The following PPP1R21 variants were observed in gnomAD, a reference collection of about 807,000 sequenced individuals.
The protein encoded by PPP1R21 is protein phosphatase 1 regulatory subunit 21, also known as KLRAQ motif containing 1.
A neutral mutation model predicts 112.8 loss-of-function variants in PPP1R21; 85 were observed. The ratio of observed to expected loss-of-function variants is 0.75; its 90% CI spans 0.63 to 0.90. The LOEUF (loss-of-function observed/expected upper bound fraction) is 0.90. PPP1R21 is among the 40% of genes least tolerant of loss of function. PPP1R21 has a pLI of 0.00. For missense variants in PPP1R21, 1,199 were observed against 901.5 expected, an observed-to-expected ratio of 1.33 and a Z score of -4.23; for synonymous variants, 381 against 322.3, an observed-to-expected ratio of 1.18 and a Z score of -1.95.
chr2:48,502,793 G>T (rs1670183566), intron 17 of PPP1R21, among the ~76,000 whole-genome samples: 1 of 143,750 alleles, frequency 7.0e-6, no homozygotes, highest in Non-Finnish European at 1.5e-5. Flanking sequence ...CCATTCTCCT[G>T]CCTCAGGCTT....
chr2:48,460,083 T>C lies in PPP1R21; in HGVS notation c.541-12T>C, dbSNP rs1421271588. 1 of 1,614,104 alleles carries C rather than the reference T, an allele frequency of 6.2e-7. No individual in the cohort carries two copies. Among genetic ancestry groups the C allele is most frequent in the Non-Finnish European group, 8.5e-7 (1 of 1,179,978 alleles). ...CTGAGCCATCTGTGTTTCTTTTTCT[T>C]CTGAAATTCAGGTGAAATCTCAGAC... On this transcript the variant is annotated splice_polypyrimidine_tract_variant and intron_variant, in intron 5 of 21. Coordinates refer to ENST00000294952, the MANE Select transcript of PPP1R21 (RefSeq NM_001135629.3).
At chr2:48,507,450 C>A in intron 19 of PPP1R21, 65 bp downstream of exon 19, 1 of 1,560,142 alleles carries the variant, frequency 6.4e-7, no homozygotes, top group Non-Finnish European at 8.6e-7. Context: ...AGGACACTGT[C>A]CTGTTTTCAT....
At chr2:48,495,180 T>C (rs1407377840) in intron 15 of PPP1R21, among the ~76,000 whole-genome samples, 1 of 152,222 alleles carries the variant, frequency 6.6e-6, no homozygotes, top group Non-Finnish European at 1.5e-5. Flanking sequence ...CCATTTATAA[T>C]TGCTTTAAGT....
chr2:48,491,715 A>G (rs943412711), intron 15 of PPP1R21, among the ~76,000 whole-genome samples: 4 of 152,144 alleles, frequency 2.6e-5, no homozygotes, highest in Non-Finnish European at 5.9e-5. Context: ...CATACTATAA[A>G]AAGCAGAATG....
At chr2:48,501,172 C>G (rs997842991) in intron 17 of PPP1R21, among the ~76,000 whole-genome samples, 2 of 152,308 alleles carry the variant, frequency 1.3e-5, no homozygotes, top group East Asian at 1.9e-4. Flanking sequence ...GGACATTCAA[C>G]AAACAAAAGA....
chr2:48,441,380 C>T, intron 1 of PPP1R21: 1 of 333,598 alleles, frequency 3.0e-6, no homozygotes, highest in Middle Eastern at 9.7e-4. Context: ...ATTTTCTCAG[C>T]CTAGGGATGG....
intron 15 of PPP1R21, among the ~76,000 whole-genome samples, chr2:48,493,945 G>A (rs1057482604): frequency 6.6e-6 from 1 of 151,684 alleles, no homozygotes; most frequent in Non-Finnish European, 1.5e-5. Context: ...GTTGCAGCCG[G>A]GTGCAGTGGC....
rs776085210 is a variant in PPP1R21, at chr2:48,461,102, T to G, written c.600-36T>G. The stretch of plus-strand genomic sequence containing the variant: ...AAATGAGGATTCACTCAGTGATTGG[T>G]GATAATGTGGTTTTGTATTTTTTTT... On this transcript the variant is annotated intron_variant, in intron 6 of 21. Coordinates refer to ENST00000294952, the MANE Select transcript of PPP1R21 (RefSeq NM_001135629.3). 5.1e-6 allele frequency: 8 copies of G among 1,563,362 alleles called. No homozygotes were observed. The Admixed American group carries it at 1.1e-4, about 21-fold the overall frequency.
At chr2:48,511,117 G>T (rs180747485) in intron 20 of PPP1R21, among the ~76,000 whole-genome samples, 2 of 152,300 alleles carry the variant, frequency 1.3e-5, no homozygotes, top group East Asian at 3.9e-4. Flanking sequence ...TTTGTACAGT[G>T]TGTAATGATC....
At chr2:48,488,599 T>C (rs1164403713) in intron 14 of PPP1R21, among the ~76,000 whole-genome samples, 1 of 152,172 alleles carries the variant, frequency 6.6e-6, no homozygotes, top group African/African-American at 2.4e-5. Flanking sequence ...CTCAATCTCC[T>C]GAGAACTCTG....
chr2:48,442,193 A>C (rs1464043436), intron 1 of PPP1R21, among the ~76,000 whole-genome samples: 1 of 152,232 alleles, frequency 6.6e-6, no homozygotes, highest in African/African-American at 2.4e-5. Flanking sequence ...AGTTGTTTGG[A>C]ACAAATCCAT....
intron 21 of PPP1R21, among the ~76,000 whole-genome samples, chr2:48,514,364 C>G (rs1208225269): frequency 6.6e-6 from 1 of 152,082 alleles, no homozygotes; most frequent in South Asian, 2.1e-4. Context: ...GGGGTTTAGG[C>G]TAACATTTTT....
chr2:48,509,629 C>T lies in PPP1R21; in HGVS notation c.2086-386C>T, dbSNP rs540875880. Among the ~76,000 whole-genome samples the T allele has an allele frequency of 1.1e-4, 16 of 151,920 alleles. No individual in the cohort carries two copies. The East Asian group carries it at 2.1e-3, about 20-fold the overall frequency. On this transcript the variant is annotated intron_variant, in intron 19 of 21. Coordinates refer to ENST00000294952, the MANE Select transcript of PPP1R21 (RefSeq NM_001135629.3). ...CTGAGGCAGGAGGATCACTTGAACC[C>T]GGGAGGTGGAGGTTGCAGTGAGCCA... is the stretch of plus-strand genomic sequence containing the variant.
At chr2:48,452,956 T>A (rs1667545121) in intron 2 of PPP1R21, among the ~76,000 whole-genome samples, 1 of 126,074 alleles carries the variant, frequency 7.9e-6, no homozygotes, top group African/African-American at 2.6e-5. Context: ...TGCTGTTCCT[T>A]TTTTTTTTTT....
intron 11 of PPP1R21, among the ~76,000 whole-genome samples, chr2:48,473,473 G>A (rs565308467): frequency 6.6e-6 from 1 of 152,266 alleles, no homozygotes; most frequent in South Asian, 2.1e-4. Flanking sequence ...TAAAACACTG[G>A]ATGAATTCTT....
intron 1 of PPP1R21, among the ~76,000 whole-genome samples, chr2:48,448,629 T>C (rs562635103): frequency 1.4e-5 from 2 of 147,202 alleles, no homozygotes; most frequent in African/African-American, 5.0e-5. Context: ...ATCTAAAGAC[T>C]GAAGCAGTAT....
chr2:48,460,555 T>G (rs1667931431), intron 6 of PPP1R21, among the ~76,000 whole-genome samples: 1 of 152,240 alleles, frequency 6.6e-6, no homozygotes, highest in Non-Finnish European at 1.5e-5. Flanking sequence ...TACATAAATT[T>G]TAAAATCAAA....
rs748931083 is a variant in PPP1R21, at chr2:48,465,458, G to C, written c.748-35G>C. On this transcript the variant is annotated intron_variant, in intron 8 of 21. Transcript: ENST00000294952. ...AAGTTCTTTTAGGATAATAATTTGAGAGTTGACCTTAACTATATATTTTTC... is the reference window on the plus strand; with the variant it reads ...AAGTTCTTTTAGGATAATAATTTGACAGTTGACCTTAACTATATATTTTTC... 4 of 1,575,948 alleles carry C rather than the reference G, an allele frequency of 2.5e-6. No homozygotes were observed. The Admixed American group carries it at 7.5e-5, about 30-fold the overall frequency.
intron 2 of PPP1R21, among the ~76,000 whole-genome samples, chr2:48,451,867 G>C (rs962057244): frequency 6.6e-6 from 1 of 152,172 alleles, no homozygotes; most frequent in Non-Finnish European, 1.5e-5. Context: ...ATATGTCTGA[G>C]GTGGCTCCAC....
Sources: gnomAD v4.1 joint callset for allele counts (sites outside exome capture counted in the v4.1 genomes callset) on GRCh38, gnomAD v4.1.1 for gene constraint, MANE v1.5 for transcripts, NCBI Gene and HGNC (gene_info 2026-07-23, HGNC 2026-07-21) for gene names.